The following MYL3 variants were observed in gnomAD, a reference collection of about 807,000 sequenced individuals.
MYL3 encodes the protein myosin light chain 3, also known as CMLC1.
Under a neutral mutation model 21.3 loss-of-function variants are expected in MYL3, and 11 were observed. The observed-to-expected ratio is 0.52, with a 90% CI of 0.32 to 0.85. The LOEUF is 0.85. MYL3 is among the 40% of genes least tolerant of loss of function. The pLI is 0.03. For synonymous variants in MYL3, 88 were observed against 91.6 expected (o/e 0.96, Z 0.22); for missense variants, 206 against 253.3 (o/e 0.81, Z 1.27).
chr3:46,869,662 G>A (rs749582341), intron 1 of MYL3, among the ~76,000 whole-genome samples: 12 of 152,218 alleles, frequency 7.9e-5, no homozygotes, highest in Non-Finnish European at 1.2e-4. Flanking sequence ...CCATGGGCAC[G>A]AGGCTGTGAC....
At chr3:46,865,789 G>C (rs534518346), upstream of MYL3, among the ~76,000 whole-genome samples, 87 of 152,206 alleles carry the variant, frequency 5.7e-4, 1 homozygote, top group Middle Eastern at 6.8e-3. This position sits in a 1 kb window ranked among gnomAD's most constrained non-coding sequence, Gnocchi z 4.3. Flanking sequence ...CAGTGGCTTG[G>C]GCCCCTCCTG....
intron 1 of MYL3, among the ~76,000 whole-genome samples, chr3:46,877,083 G>A (rs1338710171): frequency 6.6e-6 from 1 of 152,162 alleles, no homozygotes; most frequent in Non-Finnish European, 1.5e-5. Flanking sequence ...AGGCAGATAG[G>A]GAGGGCTTCC....
chr3:46,859,850 C>G lies in MYL3; in HGVS notation c.308-202G>C, dbSNP rs1418792890. ...ACTTTACAGTCTACTGAGCAATGCACTGTTTCCATAGCCCTTTGCTATTCA... is the reference window on the plus strand; with the variant it reads ...ACTTTACAGTCTACTGAGCAATGCAGTGTTTCCATAGCCCTTTGCTATTCA... On this transcript the variant is annotated intron_variant, in intron 3 of 6. Coordinates refer to ENST00000292327, the MANE Select transcript of MYL3 (RefSeq NM_000258.3). This position sits in a 1 kb window ranked among gnomAD's most constrained non-coding sequence, Gnocchi z 4.1. Among the ~76,000 whole-genome samples the G allele has an allele frequency of 6.6e-6, 1 of 152,222 alleles. No individual in the cohort carries two copies. The highest frequency in any genetic ancestry group is 1.5e-5 in the Non-Finnish European group (1 of 68,032).
Position 46,858,443 on chromosome 3 carries a change from T to C in MYL3, c.500A>G (p.Asp167Gly). ...CCCAGCCATCAACTTCTCCACTTCGTCTTCTGTCAGCCTCTCACCTGGCAG... is the reference window on the plus strand; with the variant it reads ...CCCAGCCATCAACTTCTCCACTTCGCCTTCTGTCAGCCTCTCACCTGGCAG... ...LATLGERLTE[D>G]EVEKLMAGQE... Residue 167 changes from aspartate (D) to glycine (G), a missense_variant, in exon 5 of 7, where the codon GAC becomes GGC. Physicochemically the swap from Asp to Gly is moderately conservative, Grantham distance 94. Coordinates refer to ENST00000292327, the MANE Select transcript of MYL3 (RefSeq NM_000258.3). The C allele has an allele frequency of 6.2e-7, 1 of 1,613,626 alleles. No homozygotes were observed. Among genetic ancestry groups the C allele is most frequent in the Non-Finnish European group, 8.5e-7 (1 of 1,179,986 alleles).
chr3:46,875,960 C>T (rs986085462), intron 1 of MYL3, among the ~76,000 whole-genome samples: 3 of 152,234 alleles, frequency 2.0e-5, no homozygotes, highest in East Asian at 1.9e-4. Flanking sequence ...TTCCTGTCCC[C>T]GGAGCTGAGG....
In MYL3 at chr3:46,857,971, CCA is replaced by C; in HGVS notation, c.*142_*143del. On this transcript the variant is annotated 3_prime_UTR_variant, in exon 7 of 7. Transcript: ENST00000292327. This position sits in a 1 kb window ranked among gnomAD's most constrained non-coding sequence, Gnocchi z 5.0. ...GCCTGAGAGGGGCCAGAGACGGCAA[CCA>C]CGTGGAGAGGTCCAAGGGTTTTTGC... 3.6e-6 allele frequency: 2 copies of C among 557,334 alleles called. No homozygotes were observed. The highest frequency in any genetic ancestry group is 6.5e-6 in the Non-Finnish European group (2 of 309,318). 34.5% of individuals were successfully genotyped at this position (557,334 alleles called of 1,614,324 possible).
chr3:46,874,100 TC>T lies in MYL3; in HGVS notation c.-217-7501del, dbSNP rs1253895945. Among the ~76,000 whole-genome samples, 1 of 152,198 alleles carries T rather than the reference TC, an allele frequency of 6.6e-6. No homozygotes were observed. The highest frequency in any genetic ancestry group is 2.4e-5 in the African/African-American group (1 of 41,456). On this transcript the variant is annotated intron_variant, in intron 1 of 3. Coordinates refer to the MYL3 transcript ENST00000431168. The surrounding 1 kb of genome is among the most constrained non-coding windows in gnomAD (Gnocchi z 4.1). ...CTTGCTCTGGATGAGCGGGGTGACCTCTGGCATGCCATTGCCCTTCTCTGGA... is the reference window on the plus strand; with the variant it reads ...CTTGCTCTGGATGAGCGGGGTGACCTTGGCATGCCATTGCCCTTCTCTGGA...
chr3:46,878,439 A>G (rs2030363212), intron 1 of MYL3, among the ~76,000 whole-genome samples: 1 of 152,192 alleles, frequency 6.6e-6, no homozygotes, highest in African/African-American at 2.4e-5. Flanking sequence ...TCAGACTGGG[A>G]TAAGAACTCA....
upstream of MYL3, among the ~76,000 whole-genome samples, chr3:46,863,810 C>A (rs910658971): frequency 6.6e-6 from 1 of 152,130 alleles, no homozygotes; most frequent in South Asian, 2.1e-4. Context: ...GTACATGCTA[C>A]GTGTTGTGTT....
chr3:46,870,068 CA>C (rs1398423112), intron 1 of MYL3, among the ~76,000 whole-genome samples: 1 of 151,958 alleles, frequency 6.6e-6, no homozygotes, highest in East Asian at 1.9e-4. Flanking sequence ...CAGTCAGAAA[CA>C]GGGGGGAGAG....
At chr3:46,876,566 C>G (rs1400815248) in intron 1 of MYL3, among the ~76,000 whole-genome samples, 3 of 152,212 alleles carry the variant, frequency 2.0e-5, no homozygotes, top group Non-Finnish European at 4.4e-5. Context: ...CACCTGGAGG[C>G]CAGGTATCAC....
chr3:46,875,838 A>G (rs938341458), intron 1 of MYL3, among the ~76,000 whole-genome samples: 11 of 152,188 alleles, frequency 7.2e-5, no homozygotes, highest in African/African-American at 1.9e-4. Flanking sequence ...GGGTCTCCCA[A>G]TGAATGGGAG....
chr3:46,861,287 G>A lies in MYL3; in HGVS notation c.130-300C>T, dbSNP rs1469619401. On this transcript the variant is annotated intron_variant, in intron 1 of 6. Coordinates refer to ENST00000292327, the MANE Select transcript of MYL3 (RefSeq NM_000258.3). The surrounding 1 kb of genome is among the most constrained non-coding windows in gnomAD (Gnocchi z 4.2). ...CACATGCCCAAGGCCTCAGGCCAGC[G>A]TGGGCCTTACCTGATGCTCCCGGTT... Among the ~76,000 whole-genome samples the A allele has an allele frequency of 6.6e-6, 1 of 152,224 alleles. No individual in the cohort carries two copies. The highest frequency in any genetic ancestry group is 1.9e-4 in the East Asian group (1 of 5,190).
chr3:46,860,061 G>C lies in MYL3; in HGVS notation c.308-413C>G, dbSNP rs894845875. On this transcript the variant is annotated intron_variant, in intron 3 of 6. Coordinates refer to ENST00000292327, the MANE Select transcript of MYL3 (RefSeq NM_000258.3). This position sits in a 1 kb window ranked among gnomAD's most constrained non-coding sequence, Gnocchi z 4.6. ...CTGGGACTTTTGAACCCTTGGTGGG[G>C]GCTTGGGCCTCACTCCTTTTTTTTT... 4.6e-5 allele frequency among the ~76,000 whole-genome samples: 7 copies of C among 151,680 alleles called. No homozygotes were observed. Among genetic ancestry groups the C allele is most frequent in the African/African-American group, 1.2e-4 (5 of 41,298 alleles).
In MYL3 at chr3:46,882,026, C is replaced by T. The variant is rs955209362; in HGVS notation, c.-218+48G>A. ...GCGGCGGCGTCCCGGGTTCCCTGCT[C>T]GGGTCTCGATGTTACAGCTGCCCCC... On this transcript the variant is annotated intron_variant, in intron 1 of 3. Coordinates refer to the MYL3 transcript ENST00000431168. The surrounding 1 kb of genome is among the most constrained non-coding windows in gnomAD (Gnocchi z 4.3). 1 of 152,158 alleles carries T rather than the reference C, an allele frequency of 6.6e-6. No individual in the cohort carries two copies. The highest frequency in any genetic ancestry group is 1.9e-4 in the East Asian group (1 of 5,152). 9.4% of individuals were successfully genotyped at this position (152,158 alleles called of 1,614,324 possible).
intron 1 of MYL3, among the ~76,000 whole-genome samples, chr3:46,868,520 G>A (rs962151568): frequency 2.0e-5 from 3 of 152,306 alleles, no homozygotes; most frequent in African/African-American, 7.2e-5. Flanking sequence ...CCTGGTTTTG[G>A]CCCAGGGACC....
intron 1 of MYL3, among the ~76,000 whole-genome samples, chr3:46,870,379 A>G (rs536567289): frequency 6.6e-6 from 1 of 152,194 alleles, no homozygotes; most frequent in South Asian, 2.1e-4. Flanking sequence ...AGGTGAAGAC[A>G]GGAGGGTGAC....
In MYL3 at chr3:46,874,944, G is replaced by A. The variant is rs958799136; in HGVS notation, c.-218+7130C>T. 1.3e-5 allele frequency among the ~76,000 whole-genome samples: 2 copies of A among 152,168 alleles called. No homozygotes were observed. Among genetic ancestry groups the A allele is most frequent in the Non-Finnish European group, 2.9e-5 (2 of 68,012 alleles). On this transcript the variant is annotated intron_variant, in intron 1 of 3. Coordinates refer to the MYL3 transcript ENST00000431168. This position sits in a 1 kb window ranked among gnomAD's most constrained non-coding sequence, Gnocchi z 4.1. ...AGGCCTTTCTCCTACCCCACTCCCC[G>A]CCACCATGCCACCAGGGATCTCCCT...
rs1701956074 is a variant in MYL3, at chr3:46,858,444, C to T, written c.499G>A (p.Asp167Asn). Residue 167 changes from aspartate to asparagine, a missense_variant, in exon 5 of 7, where the codon GAC becomes AAC. Coordinates refer to ENST00000292327, the MANE Select transcript of MYL3 (RefSeq NM_000258.3). ...LATLGERLTE[D>N]EVEKLMAGQE... is the part of the protein sequence containing the mutation. ...CCAGCCATCAACTTCTCCACTTCGT[C>T]TTCTGTCAGCCTCTCACCTGGCAGG... The T allele has an allele frequency of 1.2e-6, 2 of 1,613,654 alleles. No individual in the cohort carries two copies. Among genetic ancestry groups the T allele is most frequent in the Non-Finnish European group, 1.7e-6 (2 of 1,180,002 alleles).
Sources: gnomAD v4.1 joint callset for allele counts (sites outside exome capture counted in the v4.1 genomes callset) on GRCh38, gnomAD v4.1.1 for gene constraint, Gnocchi (gnomAD v3.1) non-coding constraint, MANE v1.5 for transcripts, NCBI Gene and HGNC (gene_info 2026-07-23, HGNC 2026-07-21) for gene names.